Variants in FAM168A observed in about 807,000 individuals in gnomAD.
FAM168A encodes family with sequence similarity 168 member A, also known as protein FAM168A.
A neutral mutation model predicts 28.5 loss-of-function variants in FAM168A; 3 were observed. The observed-to-expected ratio is 0.11, with a 90% CI of 0.05 to 0.27. FAM168A has a LOEUF of 0.27. Among genes scored for constraint, FAM168A ranks in the 10% least tolerant of loss-of-function variants. FAM168A has a pLI of 1.00. For synonymous variants in FAM168A, 122 were observed against 124.2 expected (o/e 0.98, Z 0.12); for missense variants, 222 against 311.5 (o/e 0.71, Z 2.16).
chr11:73,409,517 C>T lies in FAM168A; in HGVS notation c.565G>A (p.Val189Met). 1 of 1,614,012 alleles carries T rather than the reference C, an allele frequency of 6.2e-7. No homozygotes were observed. The highest frequency in any genetic ancestry group is 8.5e-7 in the Non-Finnish European group (1 of 1,179,938). Residue 189 changes from valine (V) to methionine (M), a missense_variant, in exon 6 of 8, where the codon GTG becomes ATG. Val to Met is a conservative substitution (Grantham distance 21). Around this residue, in one of 3 missense-constraint regions of FAM168A, gnomAD observed 64 missense variants for 94.6 expected, o/e 0.68. Transcript: ENST00000356467. ...GACATTGCCATGGTGGTGCCTGCCA[C>T]CATGCCCATGGCCACACCGTTGGTC... is the stretch of plus-strand genomic sequence containing the variant. ...PRTNGVAMGM[V>M]AGTTMAMSAG...
intron 2 of FAM168A, among the ~76,000 whole-genome samples, chr11:73,448,204 C>T (rs1248674238): frequency 2.0e-5 from 3 of 152,056 alleles, no homozygotes; most frequent in Admixed American, 6.5e-5. Flanking sequence ...CATGTCACCA[C>T]GCCCAGCTAA....
At chr11:73,567,627 T>C (rs1944036095) in intron 1 of FAM168A, among the ~76,000 whole-genome samples, 1 of 151,784 alleles carries the variant, frequency 6.6e-6, no homozygotes, top group Non-Finnish European at 1.5e-5. Flanking sequence ...TGCAACCGAG[T>C]TGGAAACTAC....
chr11:73,430,844 A>G, intron 2 of FAM168A, 74 bp from the exon 3 acceptor site: 1 of 1,243,016 alleles, frequency 8.0e-7, no homozygotes, highest in Non-Finnish European at 1.1e-6. Context: ...ACAAAAAAAC[A>G]CCCAGATTTT....
At chr11:73,470,854 A>T (rs573814080) in intron 1 of FAM168A, among the ~76,000 whole-genome samples, 2 of 152,170 alleles carry the variant, frequency 1.3e-5, no homozygotes, top group Non-Finnish European at 2.9e-5. Context: ...CTGAGAAGAC[A>T]CTCTGTGTTG....
At chr11:73,476,769 G>C (rs570032730) in intron 1 of FAM168A, among the ~76,000 whole-genome samples, 3 of 152,156 alleles carry the variant, frequency 2.0e-5, no homozygotes, top group South Asian at 2.1e-4. Context: ...TATAAAAATT[G>C]AAAGAGTCAA....
chr11:73,563,416 G>A (rs904357356), intron 1 of FAM168A, among the ~76,000 whole-genome samples: 1 of 152,112 alleles, frequency 6.6e-6, no homozygotes, highest in Non-Finnish European at 1.5e-5. Flanking sequence ...CCCAATAAAC[G>A]TATGCAATAA....
intron 1 of FAM168A, among the ~76,000 whole-genome samples, chr11:73,535,476 T>C (rs542378279): frequency 1.3e-5 from 2 of 150,736 alleles, no homozygotes; most frequent in Non-Finnish European, 3.0e-5. Context: ...TGGAGTGCAG[T>C]GGTGTAATCT....
intron 3 of FAM168A, among the ~76,000 whole-genome samples, chr11:73,425,857 T>G (rs540129307): frequency 3.3e-4 from 50 of 152,292 alleles, no homozygotes; most frequent in Admixed American, 1.2e-3. Context: ...AATCTACTGG[T>G]TTTTAGCTGT....
intron 2 of FAM168A, among the ~76,000 whole-genome samples, chr11:73,460,392 T>G (rs1231617979): frequency 6.7e-6 from 1 of 150,318 alleles, no homozygotes; most frequent in Non-Finnish European, 1.5e-5. Context: ...TTCTTTCTTC[T>G]CCCCCCTTTC....
At chr11:73,476,814 G>A (rs923297941) in intron 1 of FAM168A, among the ~76,000 whole-genome samples, 1 of 152,230 alleles carries the variant, frequency 6.6e-6, no homozygotes, top group African/African-American at 2.4e-5. Flanking sequence ...TCATTCAAGA[G>A]AGGCTCAGAA....
chr11:73,490,890 TG>T (rs1868118808), intron 1 of FAM168A, among the ~76,000 whole-genome samples: 1 of 152,228 alleles, frequency 6.6e-6, no homozygotes, highest in African/African-American at 2.4e-5. Flanking sequence ...GATTTTAATC[TG>T]TTTAGTCTAC....
chr11:73,474,419 C>A (rs1867860169), intron 1 of FAM168A, among the ~76,000 whole-genome samples: 2 of 151,962 alleles, frequency 1.3e-5, no homozygotes. Context: ...CACACTACAG[C>A]TTCAAACTGC....
At chr11:73,474,322 A>G (rs954339387) in intron 1 of FAM168A, among the ~76,000 whole-genome samples, 1 of 144,156 alleles carries the variant, frequency 6.9e-6, no homozygotes, top group African/African-American at 2.9e-5. Context: ...AGCCTTTTAA[A>G]AAAATGATTT....
chr11:73,477,651 C>T (rs1867906669), intron 1 of FAM168A, among the ~76,000 whole-genome samples: 1 of 151,950 alleles, frequency 6.6e-6, no homozygotes, highest in African/African-American at 2.4e-5. Context: ...TGACCGGAGG[C>T]CAGAAGACAG....
rs1421247891 is a variant in FAM168A at position 73,403,457 on chromosome 11, GGA to G, written c.*3304_*3305del. 1.3e-5 allele frequency: 2 copies of G among 152,378 alleles called. No individual in the cohort carries two copies. Among genetic ancestry groups the G allele is most frequent in the African/African-American group, 2.4e-5 (1 of 41,566 alleles). 9.4% of individuals were successfully genotyped at this position (152,378 alleles called of 1,614,324 possible). A position where few individuals can be genotyped will look rare whatever the true frequency, so the allele number is the denominator to read the frequency against. On this transcript the variant is annotated 3_prime_UTR_variant, in exon 8 of 8. Coordinates refer to ENST00000356467, the MANE Select transcript of FAM168A (RefSeq NM_015159.3). ...TTGGGGAGAGGCAGTGGCATGAGGA[GGA>G]GAGAGGGGTTTGCATCCTGGGGCCA...
At chr11:73,417,811 G>A (rs751125039) in intron 4 of FAM168A, among the ~76,000 whole-genome samples, 5 of 151,956 alleles carry the variant, frequency 3.3e-5, no homozygotes, top group Non-Finnish European at 4.4e-5. Context: ...CGCCCACCTC[G>A]GCCTCCCAAA....
At chr11:73,488,877 A>G (rs79927254) in intron 1 of FAM168A, among the ~76,000 whole-genome samples, 4,518 of 152,206 alleles carry the variant, frequency 0.03, 225 homozygotes, top group African/African-American at 0.1. Flanking sequence ...CTAACATACT[A>G]GCTACCATTT....
intron 1 of FAM168A, among the ~76,000 whole-genome samples, chr11:73,513,591 G>C (rs1269491037): frequency 6.6e-6 from 1 of 152,082 alleles, no homozygotes; most frequent in Non-Finnish European, 1.5e-5. Context: ...GAAATCTCAT[G>C]TTGAGATGGC....
chr11:73,498,893 G>A (rs926597648), intron 1 of FAM168A, among the ~76,000 whole-genome samples: 3 of 152,166 alleles, frequency 2.0e-5, no homozygotes, highest in Non-Finnish European at 2.9e-5. Flanking sequence ...TAGCGGGGAC[G>A]GGTAGCCATA....
Sources: allele counts gnomAD v4.1 joint callset (sites outside exome capture counted in the v4.1 genomes callset), GRCh38; gene constraint gnomAD v4.1.1; regional missense constraint gnomAD v4.1.1; transcripts MANE v1.5; gene names NCBI Gene and HGNC (gene_info 2026-07-23, HGNC 2026-07-21).